Variants in ASIC5 observed in about 807,000 individuals in gnomAD.
The protein encoded by ASIC5 is bile acid-sensitive ion channel.
Under a neutral mutation model 51.2 loss-of-function variants are expected in ASIC5, and 52 were observed. The ratio of observed to expected loss-of-function variants is 1.02; its 90% CI spans 0.81 to 1.28. The LOEUF is 1.28. Among genes scored for constraint, ASIC5 ranks in the 50% most tolerant of loss-of-function variants. ASIC5 has a pLI of 0.00. For missense variants in ASIC5, 635 were observed against 595.0 expected (o/e 1.07, Z -0.70); for synonymous variants, 231 against 200.7 (o/e 1.15, Z -1.28).
Position 155,834,803 on chromosome 4 carries a change from G to A in ASIC5, c.1235+1886C>T, listed in dbSNP as rs186903758. 2.6e-5 allele frequency among the ~76,000 whole-genome samples: 4 copies of A among 152,158 alleles called. No individual in the cohort carries two copies. In the East Asian group the frequency reaches 5.8e-4, roughly 22 times the overall value. ...GAAACCCAAACCCCAAGCTCCAGAAGAGACGAGAAGACCAACAGATCAACA... is the reference window on the plus strand; with the variant it reads ...GAAACCCAAACCCCAAGCTCCAGAAAAGACGAGAAGACCAACAGATCAACA... On this transcript the variant is annotated intron_variant, in intron 8 of 9. Coordinates refer to ENST00000537611, the MANE Select transcript of ASIC5 (RefSeq NM_017419.3).
At chr4:155,830,847 A>G (rs898362) in intron 9 of ASIC5, among the ~76,000 whole-genome samples, 9,967 of 152,258 alleles carry the variant, frequency 0.065, 397 homozygotes, top group South Asian at 0.16. Context: ...AGATTACATT[A>G]TTAATCATTA....
intron 6 of ASIC5, among the ~76,000 whole-genome samples, chr4:155,839,111 A>G (rs992683848): frequency 6.6e-6 from 1 of 152,132 alleles, no homozygotes; most frequent in Non-Finnish European, 1.5e-5. Context: ...ATCTGTCTAT[A>G]TCACTCTAAA....
intron 6 of ASIC5, among the ~76,000 whole-genome samples, chr4:155,839,371 A>ACACACC (rs1741066116): frequency 6.6e-6 from 1 of 151,696 alleles, no homozygotes; most frequent in South Asian, 2.1e-4. Flanking sequence ...ACACACACAC[A>ACACACC]CACACACACA....
intron 9 of ASIC5, 30 bp downstream of exon 9, chr4:155,831,794 T>G (rs1246630247): frequency 7.5e-7 from 1 of 1,336,488 alleles, no homozygotes; most frequent in South Asian, 1.2e-5. Flanking sequence ...AGTAAATAAA[T>G]AAAATAAGGA....
chr4:155,854,336 A>G, intron 2 of ASIC5, 22 bp from the exon 3 acceptor site: 1 of 1,428,376 alleles, frequency 7.0e-7, no homozygotes. Flanking sequence ...AATGAAGGCA[A>G]TAGTTAGAAT....
chr4:155,852,704 TG>T (rs1741412268), intron 3 of ASIC5, among the ~76,000 whole-genome samples: 1 of 63,610 alleles, frequency 1.6e-5, no homozygotes, highest in Non-Finnish European at 6.1e-5. Flanking sequence ...GTCAATCACA[TG>T]ACCCTTTTAC....
chr4:155,830,191 A>T (rs1740843973), intron 9 of ASIC5, 145 bp from the exon 10 acceptor site: 2 of 555,560 alleles, frequency 3.6e-6, no homozygotes, highest in Non-Finnish European at 6.2e-6. Context: ...GATATGAATA[A>T]GGTAATAGCA....
In ASIC5 at chr4:155,843,852, G is replaced by T. The variant is rs753725100; in HGVS notation, c.712-22C>A. 8 of 1,612,372 alleles carry T rather than the reference G, an allele frequency of 5.0e-6. No individual in the cohort carries two copies. The South Asian group carries it at 8.8e-5, about 18-fold the overall frequency. ...CCTCCTGAAACAAAAATATGTTTTT[G>T]CCCAAATTGCAAATTGACTATATCA... On this transcript the variant is annotated intron_variant, in intron 4 of 9. Coordinates refer to ENST00000537611, the MANE Select transcript of ASIC5 (RefSeq NM_017419.3).
chr4:155,846,963 A>C (rs2111246260), intron 4 of ASIC5, among the ~76,000 whole-genome samples: 1 of 152,212 alleles, frequency 6.6e-6, no homozygotes, highest in South Asian at 2.1e-4. Context: ...GCAAACAAAA[A>C]GAGATGTAAA....
Position 155,838,886 on chromosome 4 carries a change from G to A in ASIC5, c.1010-17C>T. Reference sequence around the variant, plus strand: ...TCCCATATCCTTAAAAATAATAAGTGTAACATATAGAGACTTTACATTTTG... The same window carrying A: ...TCCCATATCCTTAAAAATAATAAGTATAACATATAGAGACTTTACATTTTG... On this transcript the variant is annotated splice_polypyrimidine_tract_variant and intron_variant, in intron 6 of 9. Coordinates refer to ENST00000537611, the MANE Select transcript of ASIC5 (RefSeq NM_017419.3). The A allele has an allele frequency of 7.0e-7, 1 of 1,418,578 alleles. No homozygotes were observed. The allele number at this position is 1,418,578 out of a possible 1,614,324, so 87.9% of individuals were successfully genotyped here. A position where few individuals can be genotyped will look rare whatever the true frequency, so the allele number is the denominator to read the frequency against.
intron 4 of ASIC5, among the ~76,000 whole-genome samples, chr4:155,849,895 C>T (rs1741340727): frequency 6.6e-6 from 1 of 151,926 alleles, no homozygotes; most frequent in South Asian, 2.1e-4. Flanking sequence ...AGTAACATGG[C>T]CTATATGAAT....
At chr4:155,845,380 A>G (rs1405151228) in intron 4 of ASIC5, among the ~76,000 whole-genome samples, 1 of 147,086 alleles carries the variant, frequency 6.8e-6, no homozygotes, top group Non-Finnish European at 1.5e-5. Context: ...TTCTCTCCTA[A>G]GACTTTGTCT....
intron 4 of ASIC5, among the ~76,000 whole-genome samples, chr4:155,848,913 CA>C (rs1449425980): frequency 6.6e-6 from 1 of 152,006 alleles, no homozygotes; most frequent in Non-Finnish European, 1.5e-5. Context: ...TTTTGAGCTA[CA>C]ATTTAGAATA....
At chr4:155,860,593 T>G (rs563925231) in intron 2 of ASIC5, among the ~76,000 whole-genome samples, 1 of 152,056 alleles carries the variant, frequency 6.6e-6, no homozygotes, top group South Asian at 2.1e-4. Context: ...TGATATTGTC[T>G]TAATTTTTTG....
chr4:155,832,103 A>T (rs1325816301), intron 8 of ASIC5, among the ~76,000 whole-genome samples, 188 bp from the exon 9 acceptor site: 1 of 152,272 alleles, frequency 6.6e-6, no homozygotes, highest in East Asian at 1.9e-4. Flanking sequence ...TTAAGAAAAA[A>T]TAATTTTCCC....
chr4:155,844,529 A>G lies in ASIC5; in HGVS notation c.712-699T>C, dbSNP rs1215945382. Among the ~76,000 whole-genome samples the G allele has an allele frequency of 3.9e-5, 6 of 152,056 alleles. No homozygotes were observed. The East Asian group carries it at 1.2e-3, about 29-fold the overall frequency. On this transcript the variant is annotated intron_variant, in intron 4 of 9. Transcript: ENST00000537611. ...CCAGCTGATGTTAATTTCTGCTTAC[A>G]CTTAGAGCGCTCAGAAATCATATAA...
rs555437130 is a variant in ASIC5, at chr4:155,859,248, T to C, written c.347+4200A>G. Reference sequence around the variant, plus strand: ...ACTTTAAAAAACAAAAATATGTCAGTGTCCAAAAAGTATTAATGCATTACT... The same window carrying C: ...ACTTTAAAAAACAAAAATATGTCAGCGTCCAAAAAGTATTAATGCATTACT... On this transcript the variant is annotated intron_variant, in intron 2 of 9. Transcript: ENST00000537611. Among the ~76,000 whole-genome samples the C allele has an allele frequency of 8.5e-5, 13 of 152,214 alleles. No homozygotes were observed. In the South Asian group the frequency reaches 2.7e-3, roughly 32 times the overall value.
intron 8 of ASIC5, among the ~76,000 whole-genome samples, chr4:155,832,288 A>G (rs2111222557): frequency 6.6e-6 from 1 of 152,316 alleles, no homozygotes; most frequent in Non-Finnish European, 1.5e-5. Context: ...TTTTTAAGTC[A>G]TGGTTTCCTC....
chr4:155,849,892 T>C (rs1741340631), intron 4 of ASIC5, among the ~76,000 whole-genome samples: 1 of 152,042 alleles, frequency 6.6e-6, no homozygotes, highest in Non-Finnish European at 1.5e-5. Context: ...CAAAGTAACA[T>C]GGCCTATATG....
Sources: gnomAD v4.1 joint callset for allele counts (sites outside exome capture counted in the v4.1 genomes callset) on GRCh38, gnomAD v4.1.1 for gene constraint, MANE v1.5 for transcripts, NCBI Gene and HGNC (gene_info 2026-07-23, HGNC 2026-07-21) for gene names.